GRM7: variants seen among roughly 807,000 people sequenced by gnomAD.
GRM7 encodes metabotropic glutamate receptor 7.
In GRM7, 35 loss-of-function variants were observed where a neutral mutation model predicts 84.5. The ratio of observed to expected loss-of-function variants is 0.41; its 90% CI spans 0.32 to 0.55. GRM7 has a LOEUF of 0.55. GRM7 is among the 20% of genes least tolerant of loss of function. GRM7 has a pLI of 0.19. For synonymous variants in GRM7, 487 were observed against 455.1 expected (o/e 1.07, Z -0.89); for missense variants, 1,003 against 1,194.6 (o/e 0.84, Z 2.36).
At position 6,959,781 on chromosome 3, in the gene GRM7, A is replaced by G. The variant is rs572987525; in HGVS notation, c.519+97874A>G. On this transcript the variant is annotated intron_variant, in intron 1 of 9. Coordinates refer to ENST00000357716, the MANE Select transcript of GRM7 (RefSeq NM_000844.4). ...TATTATGGATCATCAGCCCATAATC[A>G]TGCAGACTCTATTAATGCTCATTGT... Among the ~76,000 whole-genome samples, 10 of 152,346 alleles carry G rather than the reference A, an allele frequency of 6.6e-5. No individual in the cohort carries two copies. The East Asian group carries it at 1.9e-3, about 29-fold the overall frequency.
intron 2 of GRM7, among the ~76,000 whole-genome samples, chr3:7,261,346 T>C (rs1698415197): frequency 1.3e-5 from 2 of 152,242 alleles, no homozygotes; most frequent in Non-Finnish European, 2.9e-5. Flanking sequence ...TTGGTTTCTA[T>C]TTTTATTGCA....
chr3:7,418,201 T>A (rs777983991), intron 5 of GRM7, among the ~76,000 whole-genome samples: 1 of 152,306 alleles, frequency 6.6e-6, no homozygotes, highest in African/African-American at 2.4e-5. Flanking sequence ...CTTTCCTTGA[T>A]ACCAAATCCC....
chr3:7,653,555 C>A lies in GRM7; in HGVS notation c.2452-26494C>A, dbSNP rs539715064. Among the ~76,000 whole-genome samples the A allele has an allele frequency of 5.9e-5, 9 of 152,266 alleles. No individual in the cohort carries two copies. The East Asian group carries it at 1.5e-3, about 26-fold the overall frequency. On this transcript the variant is annotated intron_variant, in intron 8 of 9. Transcript: ENST00000357716. Reference sequence around the variant, plus strand: ...TTCCTCTAACCCCTGCCCCTCAAGTCTCTCCATGGCCACCAGATGTAAACA... The same window carrying A: ...TTCCTCTAACCCCTGCCCCTCAAGTATCTCCATGGCCACCAGATGTAAACA...
At chr3:7,556,696 A>G (rs912370158) in intron 7 of GRM7, among the ~76,000 whole-genome samples, 6 of 152,208 alleles carry the variant, frequency 3.9e-5, no homozygotes, top group Non-Finnish European at 7.4e-5. Flanking sequence ...TCTCTCATGT[A>G]CAGTATGAAA....
intron 1 of GRM7, among the ~76,000 whole-genome samples, chr3:6,925,410 A>C (rs1378667943): frequency 6.6e-6 from 1 of 152,106 alleles, no homozygotes; most frequent in African/African-American, 2.4e-5. Context: ...ATACTTGAGA[A>C]GGTTACGTTG....
chr3:6,897,583 G>A (rs1362756830), intron 1 of GRM7, among the ~76,000 whole-genome samples: 1 of 152,178 alleles, frequency 6.6e-6, no homozygotes, highest in Non-Finnish European at 1.5e-5. Context: ...GTGCATTCAG[G>A]AGAGTGCCTG....
intron 7 of GRM7, among the ~76,000 whole-genome samples, chr3:7,514,818 C>G (rs1700320743): frequency 6.6e-6 from 1 of 152,174 alleles, no homozygotes; most frequent in Non-Finnish European, 1.5e-5. Context: ...AGAATACTTT[C>G]CATAAAGCGC....
chr3:7,477,877 A>T (rs973403247), intron 7 of GRM7, among the ~76,000 whole-genome samples: 1 of 152,136 alleles, frequency 6.6e-6, no homozygotes, highest in African/African-American at 2.4e-5. Flanking sequence ...GTTCTAAAGC[A>T]TGGTATCAAA....
At chr3:7,543,158 A>G (rs985554791) in intron 7 of GRM7, among the ~76,000 whole-genome samples, 83 of 152,208 alleles carry the variant, frequency 5.5e-4, no homozygotes, top group African/African-American at 1.9e-3. Context: ...CAGTTTTACA[A>G]TAACTGGTTT....
chr3:7,082,850 G>T (rs1698317201), intron 1 of GRM7, among the ~76,000 whole-genome samples: 1 of 152,084 alleles, frequency 6.6e-6, no homozygotes, highest in Non-Finnish European at 1.5e-5. Flanking sequence ...AAGAGAACTA[G>T]AATTAAAAGT....
At chr3:7,304,860 C>T (rs1394291652) in intron 3 of GRM7, among the ~76,000 whole-genome samples, 10 of 151,718 alleles carry the variant, frequency 6.6e-5, no homozygotes, top group Non-Finnish European at 1.5e-5. Flanking sequence ...ATTTCCTTTT[C>T]CTTGTTAATA....
chr3:7,509,649 A>C (rs891564260), intron 7 of GRM7, among the ~76,000 whole-genome samples: 1 of 152,218 alleles, frequency 6.6e-6, no homozygotes, highest in African/African-American at 2.4e-5. Flanking sequence ...AAGCCTAGAA[A>C]AGACAGTCTT....
At chr3:6,902,833 G>A (rs1696437135) in intron 1 of GRM7, among the ~76,000 whole-genome samples, 3 of 133,376 alleles carry the variant, frequency 2.2e-5, no homozygotes, top group South Asian at 2.3e-4. Flanking sequence ...TAAACAACAC[G>A]ATCACAAACA....
At chr3:7,180,673 T>C (rs1388467939) in intron 2 of GRM7, among the ~76,000 whole-genome samples, 1 of 152,180 alleles carries the variant, frequency 6.6e-6, no homozygotes, top group Non-Finnish European at 1.5e-5. Flanking sequence ...AGAAGTACTT[T>C]AGCAGGTAAT....
intron 7 of GRM7, among the ~76,000 whole-genome samples, chr3:7,499,655 AG>A (rs1301063662): frequency 6.6e-6 from 1 of 152,230 alleles, no homozygotes; most frequent in African/African-American, 2.4e-5. Flanking sequence ...CAGAGTATAA[AG>A]GCAGAGTTGG....
intron 2 of GRM7, among the ~76,000 whole-genome samples, chr3:7,265,746 C>T (rs2124967706): frequency 6.6e-6 from 1 of 152,348 alleles, no homozygotes; most frequent in South Asian, 2.1e-4. Flanking sequence ...TAGGGCTGCA[C>T]TTTGCTCTGC....
At chr3:7,192,780 A>G (rs1364484656) in intron 2 of GRM7, among the ~76,000 whole-genome samples, 2 of 152,132 alleles carry the variant, frequency 1.3e-5, no homozygotes, top group Admixed American at 6.6e-5. Flanking sequence ...TTCCTCAAGC[A>G]GGTAATCTTT....
intron 8 of GRM7, among the ~76,000 whole-genome samples, chr3:7,623,717 T>TA (rs1162996729): frequency 6.6e-6 from 1 of 152,126 alleles, no homozygotes. Context: ...TTCAAGGTGT[T>TA]AGTTATCAAC....
intron 1 of GRM7, among the ~76,000 whole-genome samples, chr3:6,934,795 G>T (rs779471644): frequency 1.3e-5 from 2 of 152,102 alleles, no homozygotes; most frequent in Non-Finnish European, 2.9e-5. Context: ...GTTTGGATTG[G>T]TAGGGGAATT....
Sources: allele counts gnomAD v4.1 joint callset (sites outside exome capture counted in the v4.1 genomes callset), GRCh38; gene constraint gnomAD v4.1.1; transcripts MANE v1.5; gene names NCBI Gene and HGNC (gene_info 2026-07-23, HGNC 2026-07-21).